The following ESD variants were observed in gnomAD, a reference collection of about 807,000 sequenced individuals.
The protein encoded by ESD is esterase D.
Under a neutral mutation model 38.1 loss-of-function variants are expected in ESD, and 34 were observed. That is an observed-to-expected ratio of 0.89 (90% CI 0.68 to 1.19). ESD has a LOEUF of 1.19. Among genes scored for constraint, ESD ranks in the 50% most tolerant of loss-of-function variants. The probability of loss-of-function intolerance (pLI) is 0.00; values close to 1 mark genes in which losing one functional copy is unlikely to be tolerated. For missense variants in ESD, 334 were observed against 327.2 expected (o/e 1.02, Z -0.16); for synonymous variants, 97 against 107.0 (o/e 0.91, Z 0.58).
rs1875462787 is a variant in ESD, at chr13:46,793,382, A to G, written c.-8+15T>C. On this transcript the variant is annotated intron_variant, in intron 2 of 9. Coordinates refer to ENST00000378720, the MANE Select transcript of ESD (RefSeq NM_001984.2). ...CAATGTTCAGAGTAACATATAAACA[A>G]TAAAACAAGTTTACCTGTCCAATTG... 1 of 152,654 alleles carries G rather than the reference A, an allele frequency of 6.6e-6. No homozygotes were observed. Among genetic ancestry groups the G allele is most frequent in the Non-Finnish European group, 1.5e-5 (1 of 68,022 alleles). 9.5% of individuals were successfully genotyped at this position (152,654 alleles called of 1,614,324 possible).
chr13:46,780,328 G>A (rs75638019), intron 7 of ESD, among the ~76,000 whole-genome samples: 5,462 of 151,734 alleles, frequency 0.036, 133 homozygotes, highest in South Asian at 0.063. Flanking sequence ...TATGTTCAGC[G>A]TTTCTGCTTT....
chr13:46,788,722 A>G (rs1376584226), intron 3 of ESD, among the ~76,000 whole-genome samples: 1 of 151,652 alleles, frequency 6.6e-6, no homozygotes, highest in Non-Finnish European at 1.5e-5. Flanking sequence ...ATCTTCTGAA[A>G]CCTCTGTCCC....
chr13:46,793,805 G>C (rs1331077355), intron 1 of ESD, among the ~76,000 whole-genome samples: 1 of 152,178 alleles, frequency 6.6e-6, no homozygotes, highest in Non-Finnish European at 1.5e-5. Context: ...GAAAATAAGA[G>C]TGGGGACTAG....
intron 6 of ESD, among the ~76,000 whole-genome samples, 185 bp from the exon 7 acceptor site, chr13:46,781,800 T>C (rs756427872): frequency 2.0e-5 from 3 of 151,856 alleles, no homozygotes; most frequent in African/African-American, 2.4e-5. Context: ...AATATATCCC[T>C]GGAAAATATA....
intron 1 of ESD, among the ~76,000 whole-genome samples, chr13:46,793,762 C>T (rs1224712503): frequency 1.3e-5 from 2 of 152,036 alleles, no homozygotes; most frequent in African/African-American, 2.4e-5. Context: ...AGTGTAATTT[C>T]GAAGCATGAG....
At chr13:46,793,911 A>G (rs1309211611) in intron 1 of ESD, among the ~76,000 whole-genome samples, 1 of 152,150 alleles carries the variant, frequency 6.6e-6, no homozygotes, top group African/African-American at 2.4e-5. Context: ...AAGGACTACT[A>G]CTAGGGTGAC....
chr13:46,780,995 T>G (rs1224647935), intron 7 of ESD, among the ~76,000 whole-genome samples: 1 of 151,732 alleles, frequency 6.6e-6, no homozygotes, highest in Non-Finnish European at 1.5e-5. Flanking sequence ...CAAATTTGAC[T>G]CTGGGAAAGG....
intron 9 of ESD, among the ~76,000 whole-genome samples, chr13:46,773,848 G>A (rs2138282033): frequency 1.3e-5 from 2 of 152,270 alleles, no homozygotes; most frequent in South Asian, 4.1e-4. Flanking sequence ...TGAATTTAGA[G>A]CTAAATTACA....
At chr13:46,783,973 T>A (rs1566280800) in intron 5 of ESD, among the ~76,000 whole-genome samples, 1 of 151,954 alleles carries the variant, frequency 6.6e-6, no homozygotes, top group African/African-American at 2.4e-5. Context: ...AGTGCCAACA[T>A]GATATATGAA....
intron 1 of ESD, among the ~76,000 whole-genome samples, chr13:46,794,160 A>AAAAAG (rs1875494640): frequency 6.8e-6 from 1 of 146,628 alleles, no homozygotes; most frequent in Non-Finnish European, 1.5e-5. Flanking sequence ...TCCCCTCCAA[A>AAAAAG]AAACAACAAC....
intron 2 of ESD, among the ~76,000 whole-genome samples, chr13:46,791,897 C>T (rs1228993511): frequency 3.3e-5 from 5 of 152,058 alleles, no homozygotes; most frequent in African/African-American, 4.8e-5. Context: ...TGAACACTTA[C>T]GGTGTGATAC....
At chr13:46,791,047 G>C (rs1342760620) in intron 3 of ESD, among the ~76,000 whole-genome samples, 1 of 152,110 alleles carries the variant, frequency 6.6e-6, no homozygotes, top group African/African-American at 2.4e-5. Context: ...TACACTTAGA[G>C]ATCCTCAAAG....
chr13:46,791,820 T>C (rs1344562948), intron 2 of ESD, among the ~76,000 whole-genome samples: 1 of 152,030 alleles, frequency 6.6e-6, no homozygotes, highest in African/African-American at 2.4e-5. Flanking sequence ...TATGACTGAT[T>C]ATAGTTGATT....
At chr13:46,789,774 C>A (rs1875324559) in intron 3 of ESD, among the ~76,000 whole-genome samples, 1 of 151,792 alleles carries the variant, frequency 6.6e-6, no homozygotes, top group African/African-American at 2.4e-5. Flanking sequence ...ATTTCTACTA[C>A]CAAAATTTAA....
chr13:46,783,811 T>C (rs1297918540), intron 5 of ESD, among the ~76,000 whole-genome samples: 2 of 152,042 alleles, frequency 1.3e-5, no homozygotes, highest in African/African-American at 4.8e-5. Context: ...AATGTAAATA[T>C]TCAAATCATT....
At chr13:46,785,122 C>G (rs376856176) in intron 4 of ESD, among the ~76,000 whole-genome samples, 1 of 151,904 alleles carries the variant, frequency 6.6e-6, no homozygotes, top group Non-Finnish European at 1.5e-5. Flanking sequence ...TGACCATATG[C>G]CATCCTTAAA....
chr13:46,787,080 G>A lies in ESD; in HGVS notation c.98C>T (p.Ala33Val). 1 of 1,576,296 alleles carries A rather than the reference G, an allele frequency of 6.3e-7. No individual in the cohort carries two copies. Among genetic ancestry groups the A allele is most frequent in the Admixed American group, 1.7e-5 (1 of 57,710 alleles). Residue 33 changes from alanine (A) to valine (V), a missense_variant, in exon 4 of 10, where the codon GCT becomes GTT. Coordinates refer to ENST00000378720, the MANE Select transcript of ESD (RefSeq NM_001984.2). ...SVELNCKMKF[A>V]VYLPPKAETG... Reference sequence around the variant, plus strand: ...TTCTGCCTTTGGTGGTAAGTAGACAGCAAATTTCATTTTGCAGTTTAGTTC... The same window carrying A: ...TTCTGCCTTTGGTGGTAAGTAGACAACAAATTTCATTTTGCAGTTTAGTTC...
intron 9 of ESD, chr13:46,775,684 C>T (rs758231376): frequency 2.1e-6 from 1 of 470,256 alleles, no homozygotes; most frequent in South Asian, 1.6e-5. Context: ...CACTCTTAAC[C>T]CGACCATGCT....
intron 9 of ESD, chr13:46,776,657 TACC>T (rs1460626762): frequency 1.3e-5 from 2 of 152,122 alleles, no homozygotes; most frequent in Non-Finnish European, 2.9e-5. Flanking sequence ...CAAACTAATG[TACC>T]ACATTACACA....
Sources: allele counts gnomAD v4.1 joint callset (sites outside exome capture counted in the v4.1 genomes callset), GRCh38; gene constraint gnomAD v4.1.1; transcripts MANE v1.5; gene names NCBI Gene and HGNC (gene_info 2026-07-23, HGNC 2026-07-21).